Variants in CRPPA observed in about 807,000 individuals in gnomAD.
The protein encoded by CRPPA is D-ribitol-5-phosphate cytidylyltransferase.
Under a neutral mutation model 52.0 loss-of-function variants are expected in CRPPA, and 43 were observed. The ratio of observed to expected loss-of-function variants is 0.83; its 90% CI spans 0.65 to 1.07. CRPPA has a LOEUF of 1.07. Among genes scored for constraint, CRPPA ranks in the 50% least tolerant of loss-of-function variants. The probability of loss-of-function intolerance (pLI) is 0.00; values close to 1 mark genes in which losing one functional copy is unlikely to be tolerated. For missense variants in CRPPA, 629 were observed against 551.7 expected (o/e 1.14, Z -1.40); for synonymous variants, 250 against 203.5 (o/e 1.23, Z -1.94).
chr7:16,110,034 T>C (rs556268665), intron 9 of CRPPA, among the ~76,000 whole-genome samples: 7 of 152,030 alleles, frequency 4.6e-5, no homozygotes, highest in East Asian at 3.9e-4. Context: ...CATGATCTTA[T>C]ATATATATAG....
chr7:16,415,705 C>G (rs73291276), intron 1 of CRPPA, among the ~76,000 whole-genome samples: 2 of 152,066 alleles, frequency 1.3e-5, no homozygotes, highest in East Asian at 1.9e-4. Flanking sequence ...TAGGTTACCA[C>G]GCGCCTAGCT....
chr7:16,196,899 G>T (rs1009624245), intron 9 of CRPPA, among the ~76,000 whole-genome samples: 1 of 151,968 alleles, frequency 6.6e-6, no homozygotes, highest in Non-Finnish European at 1.5e-5. Context: ...ACCTAATGAG[G>T]TATATTATTT....
chr7:16,308,401 G>A (rs2128424673), intron 4 of CRPPA, 122 bp downstream of exon 4: 1 of 625,264 alleles, frequency 1.6e-6, no homozygotes, highest in Non-Finnish European at 2.9e-6. Flanking sequence ...ACACATTGAT[G>A]GTTCAGTAAA....
At chr7:16,122,651 G>A (rs952279753) in intron 9 of CRPPA, among the ~76,000 whole-genome samples, 15 of 151,950 alleles carry the variant, frequency 9.9e-5, no homozygotes, top group Admixed American at 9.8e-4. Flanking sequence ...CATCATGGCA[G>A]GGACAAAAAT....
At chr7:16,289,345 ACT>A (rs1304868129) in intron 5 of CRPPA, among the ~76,000 whole-genome samples, 1 of 152,164 alleles carries the variant, frequency 6.6e-6, no homozygotes, top group Non-Finnish European at 1.5e-5. Context: ...ATTCTTCCTA[ACT>A]CATTATTTGA....
At chr7:16,115,620 T>C (rs1441918087) in intron 9 of CRPPA, among the ~76,000 whole-genome samples, 1 of 152,108 alleles carries the variant, frequency 6.6e-6, no homozygotes, top group Admixed American at 6.6e-5. Context: ...AAAAAAGAAA[T>C]TTAGGTTTCT....
intron 2 of CRPPA, among the ~76,000 whole-genome samples, chr7:16,380,022 C>T (rs951084452): frequency 5.9e-5 from 9 of 151,374 alleles, no homozygotes; most frequent in African/African-American, 7.3e-5. Flanking sequence ...ACTTCCAACA[C>T]TACGTTGAAT....
intron 9 of CRPPA, among the ~76,000 whole-genome samples, chr7:16,211,636 C>A (rs2128396485): frequency 6.6e-6 from 1 of 152,244 alleles, no homozygotes; most frequent in East Asian, 1.9e-4. Flanking sequence ...TCCAAAGGAT[C>A]ATGCATACTT....
chr7:16,365,093 T>C (rs1475460416), intron 3 of CRPPA, among the ~76,000 whole-genome samples: 6 of 152,192 alleles, frequency 3.9e-5, no homozygotes, highest in South Asian at 2.1e-4. Flanking sequence ...TGGGCCCTCA[T>C]GGTCCTTTAA....
At chr7:16,294,089 T>C (rs550543401) in intron 5 of CRPPA, among the ~76,000 whole-genome samples, 6 of 152,112 alleles carry the variant, frequency 3.9e-5, no homozygotes, top group African/African-American at 1.4e-4. Context: ...ACCATACTTT[T>C]TTTTTCTTTT....
At chr7:16,189,652 T>A (rs192793613) in intron 9 of CRPPA, among the ~76,000 whole-genome samples, 85 of 152,318 alleles carry the variant, frequency 5.6e-4, no homozygotes, top group African/African-American at 1.9e-3. Flanking sequence ...TTATTCTGCC[T>A]GACAGCAACA....
chr7:16,283,719 A>G (rs1784366943), intron 5 of CRPPA, among the ~76,000 whole-genome samples: 1 of 151,850 alleles, frequency 6.6e-6, no homozygotes, highest in Non-Finnish European at 1.5e-5. Flanking sequence ...TCAGTCGCCC[A>G]TTGCACAGAG....
At chr7:16,351,016 G>C (rs1455625612) in intron 3 of CRPPA, among the ~76,000 whole-genome samples, 1 of 152,062 alleles carries the variant, frequency 6.6e-6, no homozygotes, top group East Asian at 1.9e-4. Flanking sequence ...CAATTACATA[G>C]TGATAAAGGG....
intron 7 of CRPPA, 134 bp downstream of exon 7, chr7:16,258,786 T>G: frequency 1.8e-6 from 1 of 571,026 alleles, no homozygotes; most frequent in Non-Finnish European, 3.0e-6. Flanking sequence ...TTATTTCTCT[T>G]TCAAAGATAA....
chr7:16,146,905 C>T (rs1343519291), intron 9 of CRPPA, among the ~76,000 whole-genome samples: 1 of 152,124 alleles, frequency 6.6e-6, no homozygotes, highest in Non-Finnish European at 1.5e-5. Flanking sequence ...GTAGTAAGTT[C>T]CTACCAGTCT....
intron 2 of CRPPA, among the ~76,000 whole-genome samples, chr7:16,387,563 A>AT (rs544143518): frequency 4.0e-5 from 6 of 151,744 alleles, no homozygotes; most frequent in Non-Finnish European, 5.9e-5. Context: ...GTCAAACTAA[A>AT]TTTTTTTTTA....
intron 9 of CRPPA, among the ~76,000 whole-genome samples, chr7:16,159,635 T>A (rs1259003043): frequency 6.6e-6 from 1 of 152,238 alleles, no homozygotes; most frequent in South Asian, 2.1e-4. Flanking sequence ...TGGTTCCAAG[T>A]CTTTGCTATT....
intron 9 of CRPPA, among the ~76,000 whole-genome samples, chr7:16,138,134 G>A (rs1360923580): frequency 6.6e-6 from 1 of 152,146 alleles, no homozygotes; most frequent in Non-Finnish European, 1.5e-5. Context: ...GTACATATAT[G>A]TGACTTATTT....
At chr7:16,249,731 A>G (rs1335123993) in intron 8 of CRPPA, among the ~76,000 whole-genome samples, 1 of 152,244 alleles carries the variant, frequency 6.6e-6, no homozygotes, top group East Asian at 1.9e-4. Flanking sequence ...GGAGGTCACC[A>G]ACATCAAAGA....
Sources: gnomAD v4.1 joint callset for allele counts (sites outside exome capture counted in the v4.1 genomes callset) on GRCh38, gnomAD v4.1.1 for gene constraint, MANE v1.5 for transcripts, NCBI Gene and HGNC (gene_info 2026-07-23, HGNC 2026-07-21) for gene names.